DPYD: variants seen among roughly 807,000 people sequenced by gnomAD.
DPYD encodes dihydropyrimidine dehydrogenase [NADP(+)].
Under a neutral mutation model 116.2 loss-of-function variants are expected in DPYD, and 109 were observed. The ratio of observed to expected loss-of-function variants is 0.94; its 90% CI spans 0.80 to 1.10. The LOEUF is 1.10. Ranked by LOEUF, DPYD falls within the 50% of genes least tolerant of loss-of-function variation. The pLI is 0.00. For missense variants in DPYD, 1,302 were observed against 1,254.5 expected, an observed-to-expected ratio of 1.04 and a Z score of -0.57; for synonymous variants, 440 against 432.0, an observed-to-expected ratio of 1.02 and a Z score of -0.23.
At chr1:97,478,142 T>C (rs1678091357) in intron 13 of DPYD, among the ~76,000 whole-genome samples, 1 of 152,164 alleles carries the variant, frequency 6.6e-6, no homozygotes, top group Non-Finnish European at 1.5e-5. Context: ...ATAACCAGGT[T>C]GATTGTCAAG....
intron 1 of DPYD, among the ~76,000 whole-genome samples, chr1:97,894,897 T>C (rs146085365): frequency 3.3e-5 from 5 of 151,738 alleles, no homozygotes; most frequent in Admixed American, 6.6e-5. Flanking sequence ...AAAACCAGTA[T>C]GTAGAAAATG....
At chr1:97,505,190 T>C (rs1364518794) in intron 13 of DPYD, among the ~76,000 whole-genome samples, 1 of 152,032 alleles carries the variant, frequency 6.6e-6, no homozygotes, top group Admixed American at 6.6e-5. Flanking sequence ...TAAACAGTAG[T>C]TGTATTATGA....
rs150875568 is a variant in DPYD at position 97,430,449 on chromosome 1, T to G, written c.1905+19610A>C. Among the ~76,000 whole-genome samples the G allele has an allele frequency of 3.4e-3, 524 of 152,264 alleles. 3 individuals carry two copies. Among genetic ancestry groups the G allele is most frequent in the Non-Finnish European group, 5.9e-3 (403 of 68,016 alleles). ...AGTTGCCTTTAAAAAAACAGAAACA[T>G]TTTATGGCATATGTCCTTTATTTAT... On this transcript the variant is annotated intron_variant, in intron 14 of 22. Coordinates refer to ENST00000370192, the MANE Select transcript of DPYD (RefSeq NM_000110.4).
intron 3 of DPYD, among the ~76,000 whole-genome samples, chr1:97,784,286 A>G (rs1666905535): frequency 6.6e-6 from 1 of 151,750 alleles, no homozygotes; most frequent in Non-Finnish European, 1.5e-5. Context: ...AAAAAAAATT[A>G]CTCTTACAGT....
chr1:97,896,125 A>T (rs922310644), intron 1 of DPYD, among the ~76,000 whole-genome samples: 2 of 151,678 alleles, frequency 1.3e-5, no homozygotes, highest in South Asian at 4.1e-4. Context: ...GTTGGAATGG[A>T]CTCTTAGAGA....
At chr1:97,438,133 A>G (rs1675569112) in intron 14 of DPYD, among the ~76,000 whole-genome samples, 1 of 152,006 alleles carries the variant, frequency 6.6e-6, no homozygotes, top group Admixed American at 6.6e-5. Flanking sequence ...CATTACTGTA[A>G]TTTTAACATA....
chr1:97,783,872 C>A (rs74107713), intron 3 of DPYD, among the ~76,000 whole-genome samples: 3,747 of 152,264 alleles, frequency 0.025, 167 homozygotes, highest in African/African-American at 0.086. Context: ...TAACAGAAAG[C>A]ATCAGCTTTT....
chr1:97,604,692 A>G (rs1655475058), intron 8 of DPYD, among the ~76,000 whole-genome samples: 3 of 152,116 alleles, frequency 2.0e-5, no homozygotes, highest in Admixed American at 6.6e-5. Context: ...GAGACTTAAA[A>G]TCACAGTACT....
At chr1:97,776,475 A>G (rs1666412854) in intron 3 of DPYD, among the ~76,000 whole-genome samples, 1 of 152,172 alleles carries the variant, frequency 6.6e-6, no homozygotes, top group Non-Finnish European at 1.5e-5. Context: ...ACCAGGGTTC[A>G]TCTGTATCAT....
At chr1:97,513,877 T>C (rs1252417391) in intron 13 of DPYD, among the ~76,000 whole-genome samples, 1 of 151,870 alleles carries the variant, frequency 6.6e-6, no homozygotes, top group Admixed American at 6.6e-5. Flanking sequence ...CGGACTACTC[T>C]GCAAAATCAC....
At chr1:97,192,174 A>G (rs1464959518) in intron 20 of DPYD, among the ~76,000 whole-genome samples, 2 of 152,152 alleles carry the variant, frequency 1.3e-5, no homozygotes. Context: ...CTAGCCAAAT[A>G]TAAGTCAATT....
At chr1:97,274,263 T>G (rs1664781479) in intron 18 of DPYD, among the ~76,000 whole-genome samples, 1 of 152,136 alleles carries the variant, frequency 6.6e-6, no homozygotes, top group Admixed American at 6.6e-5. Flanking sequence ...TGGGTTATAT[T>G]TGGGCCATGG....
At chr1:97,907,598 T>C (rs1025126267) in intron 1 of DPYD, among the ~76,000 whole-genome samples, 6 of 152,090 alleles carry the variant, frequency 3.9e-5, no homozygotes, top group Non-Finnish European at 8.8e-5. Flanking sequence ...CTACAAAAAT[T>C]TGAATTTAAT....
At chr1:97,419,014 G>A (rs1674436203) in intron 14 of DPYD, among the ~76,000 whole-genome samples, 1 of 152,170 alleles carries the variant, frequency 6.6e-6, no homozygotes, top group African/African-American at 2.4e-5. Context: ...CTTACTCCCA[G>A]ACAATGATGT....
intron 4 of DPYD, among the ~76,000 whole-genome samples, chr1:97,732,932 T>A (rs552867692): frequency 6.6e-6 from 1 of 152,136 alleles, no homozygotes; most frequent in African/African-American, 2.4e-5. Flanking sequence ...AAAGCTAGGA[T>A]ACTTTGAAAA....
rs575156523 is a variant in DPYD, at chr1:97,705,540, A to T, written c.484-5993T>A. On this transcript the variant is annotated intron_variant, in intron 5 of 22. Transcript: ENST00000370192. ...TCTTAATCCAGTCTATCATTGTTGGACATTTGGGTTGGTTCCAAGTCTTTG... is the reference window on the plus strand; with the variant it reads ...TCTTAATCCAGTCTATCATTGTTGGTCATTTGGGTTGGTTCCAAGTCTTTG... Among the ~76,000 whole-genome samples the T allele has an allele frequency of 2.2e-4, 34 of 151,922 alleles. 2 individuals carry two copies. In the South Asian group the frequency reaches 6.9e-3, roughly 31 times the overall value.
chr1:97,398,354 C>T (rs962060902), intron 14 of DPYD, among the ~76,000 whole-genome samples: 3 of 152,118 alleles, frequency 2.0e-5, no homozygotes, highest in African/African-American at 7.2e-5. Flanking sequence ...CATTGTTGGA[C>T]ATTTGGGTTG....
intron 4 of DPYD, among the ~76,000 whole-genome samples, chr1:97,734,290 G>A (rs1369458483): frequency 1.3e-5 from 2 of 152,150 alleles, no homozygotes; most frequent in East Asian, 3.9e-4. Flanking sequence ...TATTGAAGAA[G>A]TAATTAATTT....
chr1:97,283,131 TCTA>T (rs1157653005), intron 18 of DPYD, among the ~76,000 whole-genome samples: 2 of 152,160 alleles, frequency 1.3e-5, no homozygotes, highest in African/African-American at 4.8e-5. Context: ...AAAATTTTAG[TCTA>T]CTATTTATTT....
Sources: gnomAD v4.1 joint callset for allele counts (sites outside exome capture counted in the v4.1 genomes callset) on GRCh38, gnomAD v4.1.1 for gene constraint, MANE v1.5 for transcripts, NCBI Gene and HGNC (gene_info 2026-07-23, HGNC 2026-07-21) for gene names.